LASP1: variants seen among roughly 807,000 people sequenced by gnomAD.
The protein encoded by LASP1 is LIM and SH3 protein 1, also known as LIM and SH3 domain protein 1.
A neutral mutation model predicts 38.6 loss-of-function variants in LASP1; 10 were observed. The observed-to-expected ratio is 0.26, with a 90% confidence interval of 0.16 to 0.44. The LOEUF (loss-of-function observed/expected upper bound fraction) is 0.44, where lower values mean the gene tolerates loss of function less well. LASP1 is among the 20% of genes least tolerant of loss of function. The probability of loss-of-function intolerance (pLI) is 1.00; values close to 1 mark genes in which losing one functional copy is unlikely to be tolerated. For missense variants in LASP1, 243 were observed against 375.7 expected (o/e 0.65, Z 2.92); for synonymous variants, 132 against 140.8 (o/e 0.94, Z 0.44).
At chr17:38,892,583 C>T (rs962663778) in intron 3 of LASP1, among the ~76,000 whole-genome samples, 1 of 151,404 alleles carries the variant, frequency 6.6e-6, no homozygotes, top group South Asian at 2.1e-4. Context: ...CACACACACA[C>T]ACACACACCC....
At chr17:38,912,037 A>G (rs1340313991) in intron 4 of LASP1, among the ~76,000 whole-genome samples, 1 of 152,148 alleles carries the variant, frequency 6.6e-6, no homozygotes, top group Non-Finnish European at 1.5e-5. Flanking sequence ...CAAGTGACCC[A>G]CCCACCTTGG....
Position 38,919,752 on chromosome 17 carries a change from C to T in LASP1, c.*974C>T, listed in dbSNP as rs146332868. On this transcript the variant is annotated 3_prime_UTR_variant, in exon 7 of 7. Transcript: ENST00000318008. ...TCAGAGCCTTCCATGACCTCCCCTC[C>T]CCAGCCCAATGCCAAGTGGACTTGG... 3,276 of 413,344 alleles carry T rather than the reference C, an allele frequency of 7.9e-3. 28 individuals carry two copies. The highest frequency in any genetic ancestry group is 0.02 in the Admixed American group (587 of 28,840). The allele number at this position is 413,344 out of a possible 1,614,324, so 25.6% of individuals were successfully genotyped here. A position where few individuals can be genotyped will look rare whatever the true frequency, so the allele number is the denominator to read the frequency against.
intron 4 of LASP1, among the ~76,000 whole-genome samples, chr17:38,905,794 A>G (rs1038666768): frequency 6.6e-6 from 1 of 151,998 alleles, no homozygotes; most frequent in African/African-American, 2.4e-5. Context: ...TGGTGGGCTC[A>G]CGCCTGTATC....
At chr17:38,907,797 C>G (rs1304720904) in intron 4 of LASP1, among the ~76,000 whole-genome samples, 2 of 152,188 alleles carry the variant, frequency 1.3e-5, no homozygotes, top group Non-Finnish European at 2.9e-5. Flanking sequence ...TTTCCCCAGC[C>G]CTTTATGGGA....
chr17:38,872,601 A>G (rs947109170), intron 1 of LASP1, among the ~76,000 whole-genome samples: 3 of 152,178 alleles, frequency 2.0e-5, no homozygotes, highest in African/African-American at 7.2e-5. Flanking sequence ...TGCCTGGAGG[A>G]TGCTGGGCTG....
chr17:38,917,163 A>C (rs1915155913), intron 6 of LASP1, among the ~76,000 whole-genome samples: 1 of 152,164 alleles, frequency 6.6e-6, no homozygotes, highest in Non-Finnish European at 1.5e-5. Context: ...TGAGGGTAGA[A>C]GCAGGGAGAC....
At chr17:38,902,372 C>CTT (rs34801327) in intron 4 of LASP1, among the ~76,000 whole-genome samples, 7 of 84,284 alleles carry the variant, frequency 8.3e-5, no homozygotes, top group South Asian at 8.3e-4. Flanking sequence ...CCCAGGGGAG[C>CTT]TTTTTTTTTT....
intron 1 of LASP1, among the ~76,000 whole-genome samples, chr17:38,873,103 C>G (rs1386986429): frequency 6.6e-6 from 1 of 152,150 alleles, no homozygotes; most frequent in Non-Finnish European, 1.5e-5. Context: ...CTCGCCACGT[C>G]CCTCTTTCCT....
intron 4 of LASP1, among the ~76,000 whole-genome samples, chr17:38,911,199 G>A (rs867160387): frequency 5.9e-5 from 9 of 152,126 alleles, no homozygotes; most frequent in African/African-American, 1.9e-4. Flanking sequence ...GACACCACCC[G>A]CCAACAGCAC....
chr17:38,914,700 AC>A (rs1915060021), intron 5 of LASP1, among the ~76,000 whole-genome samples: 1 of 152,004 alleles, frequency 6.6e-6, no homozygotes, highest in African/African-American at 2.4e-5. Flanking sequence ...ACACACACAC[AC>A]ACACACACAC....
At chr17:38,912,045 T>G (rs1224363840) in intron 4 of LASP1, among the ~76,000 whole-genome samples, 1 of 152,226 alleles carries the variant, frequency 6.6e-6, no homozygotes, top group East Asian at 1.9e-4. Context: ...CCACCCACCT[T>G]GGCCTCCCAA....
intron 2 of LASP1, among the ~76,000 whole-genome samples, chr17:38,887,251 T>C (rs549935647): frequency 6.9e-4 from 105 of 152,264 alleles, no homozygotes; most frequent in African/African-American, 2.0e-3. Context: ...TCTACTTCCA[T>C]GTGCTTGCCT....
At position 38,898,416 on chromosome 17, in the gene LASP1, G is replaced by A. The variant is rs1914549349; in HGVS notation, c.254G>A (p.Arg85His). The A allele has an allele frequency of 1.9e-6, 3 of 1,545,188 alleles. No homozygotes were observed. Among genetic ancestry groups the A allele is most frequent in the Non-Finnish European group, 2.6e-6 (3 of 1,141,640 alleles). Residue 85 changes from arginine (R) to histidine (H), a missense_variant, in exon 4 of 7, where the codon CGC becomes CAC. By Grantham distance (29) the Arg-to-His change is conservative. Around this residue, in one of 4 missense-constraint regions of LASP1, gnomAD observed 33 missense variants for 39.8 expected, o/e 0.83. Coordinates refer to ENST00000318008, the MANE Select transcript of LASP1 (RefSeq NM_006148.4). ...KQQSELQSQV[R>H]YKEEFEKNKG... ...CCTCTTCCTCCCCTCCTGCAGGTGC[G>A]CTACAAGGAGGAGTTTGAGAAGAAC...
chr17:38,905,538 A>G (rs976020598), intron 4 of LASP1, among the ~76,000 whole-genome samples: 2 of 146,424 alleles, frequency 1.4e-5, no homozygotes, highest in African/African-American at 5.5e-5. Flanking sequence ...CTCAAAAAAA[A>G]AAAAAAAAAA....
chr17:38,882,007 G>C (rs1156708678), intron 2 of LASP1, among the ~76,000 whole-genome samples: 1 of 152,216 alleles, frequency 6.6e-6, no homozygotes, highest in Non-Finnish European at 1.5e-5. Context: ...AGAGCTCACT[G>C]CCAGCCCACC....
chr17:38,889,292 G>T (rs772437339), intron 2 of LASP1, among the ~76,000 whole-genome samples: 2 of 152,040 alleles, frequency 1.3e-5, no homozygotes, highest in African/African-American at 4.8e-5. Flanking sequence ...CATCACACCC[G>T]GCTAATTTTT....
intron 1 of LASP1, among the ~76,000 whole-genome samples, chr17:38,872,911 A>AT (rs901329136): frequency 6.6e-6 from 1 of 152,146 alleles, no homozygotes; most frequent in African/African-American, 2.4e-5. Flanking sequence ...TGCAAGCTGG[A>AT]TAAATATGTA....
intron 3 of LASP1, among the ~76,000 whole-genome samples, chr17:38,895,334 T>TC (rs933063738): frequency 2.6e-4 from 39 of 151,980 alleles, no homozygotes; most frequent in African/African-American, 8.7e-4. Context: ...TTTGTGTTTT[T>TC]TTTTTAGACG....
intron 4 of LASP1, among the ~76,000 whole-genome samples, chr17:38,910,023 A>G (rs1320953206): frequency 6.6e-6 from 1 of 152,096 alleles, no homozygotes; most frequent in Non-Finnish European, 1.5e-5. Context: ...GCTGGGATTA[A>G]AGGTGTGAGC....
Sources: gnomAD v4.1 joint callset for allele counts (sites outside exome capture counted in the v4.1 genomes callset) on GRCh38, gnomAD v4.1.1 for gene constraint, gnomAD v4.1.1 regional missense constraint, MANE v1.5 for transcripts, NCBI Gene and HGNC (gene_info 2026-07-23, HGNC 2026-07-21) for gene names.